AGMO: variants seen among roughly 807,000 people sequenced by gnomAD.
AGMO encodes the protein alkylglycerol monooxygenase.
A neutral mutation model predicts 60.2 loss-of-function variants in AGMO; 75 were observed. The observed-to-expected ratio is 1.25, with a 90% CI of 1.03 to 1.51. AGMO has a LOEUF of 1.51. Among genes scored for constraint, AGMO ranks in the 40% most tolerant of loss-of-function variants. The probability of loss-of-function intolerance (pLI) is 0.00; values close to 1 mark genes in which losing one functional copy is unlikely to be tolerated. For missense variants in AGMO, 763 were observed against 525.5 expected, an observed-to-expected ratio of 1.45 and a Z score of -4.42; for synonymous variants, 261 against 177.1, an observed-to-expected ratio of 1.47 and a Z score of -3.76.
At chr7:15,144,898 C>A in the AGMO span, among the ~76,000 whole-genome samples, 1 of 152,212 alleles carries the variant, frequency 6.6e-6, no homozygotes, top group African/African-American at 2.4e-5. Context: ...GGTGCGATCT[C>A]TGCTCACTGC....
chr7:15,191,690 A>G, the AGMO span, among the ~76,000 whole-genome samples: 1 of 152,210 alleles, frequency 6.6e-6, no homozygotes. Context: ...AAATTAGCTT[A>G]AATTTTTAAA....
chr7:15,461,549 C>G lies in AGMO; in HGVS notation c.410-30441G>C, dbSNP rs1210120987. Among the ~76,000 whole-genome samples, 5 of 152,082 alleles carry G rather than the reference C, an allele frequency of 3.3e-5. No homozygotes were observed. The East Asian group carries it at 9.7e-4, about 29-fold the overall frequency. Reference sequence around the variant, plus strand: ...GAAGAACTTATTTTATTTGAGCTCTCCTTTGTCAATATCTGAGCAGTAGGG... The same window carrying G: ...GAAGAACTTATTTTATTTGAGCTCTGCTTTGTCAATATCTGAGCAGTAGGG... On this transcript the variant is annotated intron_variant, in intron 3 of 12. Transcript: ENST00000342526.
At chr7:15,390,360 T>C (rs1784085273) in intron 8 of AGMO, among the ~76,000 whole-genome samples, 1 of 152,210 alleles carries the variant, frequency 6.6e-6, no homozygotes, top group Non-Finnish European at 1.5e-5. Context: ...TTATACATGT[T>C]ACTATTGCTC....
intron 10 of AGMO, among the ~76,000 whole-genome samples, chr7:15,366,703 T>TG (rs1782998208): frequency 6.6e-6 from 1 of 152,036 alleles, no homozygotes; most frequent in African/African-American, 2.4e-5. Context: ...ACATATACAC[T>TG]CATATTTGAT....
At chr7:15,256,201 G>A (rs1783093602) in intron 12 of AGMO, among the ~76,000 whole-genome samples, 1 of 152,166 alleles carries the variant, frequency 6.6e-6, no homozygotes, top group African/African-American at 2.4e-5. Context: ...AAAAAGGACT[G>A]AATCACTGGA....
chr7:15,344,607 A>G (rs543025951), intron 12 of AGMO, among the ~76,000 whole-genome samples: 1 of 152,264 alleles, frequency 6.6e-6, no homozygotes, highest in Admixed American at 6.5e-5. Flanking sequence ...CTAAAGTGTA[A>G]GGATTGCTGG....
intron 10 of AGMO, among the ~76,000 whole-genome samples, chr7:15,382,088 A>G (rs1361529357): frequency 2.6e-5 from 4 of 152,138 alleles, no homozygotes; most frequent in African/African-American, 9.7e-5. Context: ...CCTAGATGAT[A>G]AAATAATCCA....
intron 12 of AGMO, among the ~76,000 whole-genome samples, chr7:15,353,679 T>A (rs981115294): frequency 6.6e-6 from 1 of 152,224 alleles, no homozygotes; most frequent in African/African-American, 2.4e-5. Flanking sequence ...TATATTAGTG[T>A]TGCTCAAAAT....
At position 15,317,869 on chromosome 7, in the gene AGMO, GTATA is replaced by G. The variant is rs550714316; in HGVS notation, c.1263+47641_1263+47644del. Among the ~76,000 whole-genome samples, 781 of 124,882 alleles carry G rather than the reference GTATA, an allele frequency of 6.3e-3. 4 individuals are homozygous for G. Among genetic ancestry groups the G allele is most frequent in the Middle Eastern group, 9.5e-3 (2 of 210 alleles). 81.9% of individuals were successfully genotyped at this position (124,882 alleles called of 152,430 possible). A position where few individuals can be genotyped will look rare whatever the true frequency, so the allele number is the denominator to read the frequency against. On this transcript the variant is annotated intron_variant, in intron 12 of 12. Coordinates refer to ENST00000342526, the MANE Select transcript of AGMO (RefSeq NM_001004320.2). ...TATATATATATACACACACACACAC[GTATA>G]TATATATACACACGTATATATATAC...
chr7:15,307,671 A>G (rs1027211520), intron 12 of AGMO, among the ~76,000 whole-genome samples: 2 of 152,018 alleles, frequency 1.3e-5, no homozygotes, highest in Non-Finnish European at 2.9e-5. Flanking sequence ...CTGACACTCA[A>G]ATTTACACCT....
chr7:15,477,616 T>G (rs1051493419), intron 3 of AGMO, among the ~76,000 whole-genome samples: 1 of 152,134 alleles, frequency 6.6e-6, no homozygotes, highest in Non-Finnish European at 1.5e-5. Context: ...AAAATACCAA[T>G]GTGCAGGCAG....
intron 12 of AGMO, among the ~76,000 whole-genome samples, chr7:15,255,911 A>G (rs1783083248): frequency 6.6e-6 from 1 of 152,232 alleles, no homozygotes; most frequent in African/African-American, 2.4e-5. Flanking sequence ...AATATACACA[A>G]AGTGTTTTTA....
intron 3 of AGMO, among the ~76,000 whole-genome samples, chr7:15,457,524 T>C (rs1782030139): frequency 6.6e-6 from 1 of 152,190 alleles, no homozygotes; most frequent in Admixed American, 6.5e-5. Context: ...CATGTGTAAT[T>C]ATCATGTATT....
the AGMO span, among the ~76,000 whole-genome samples, chr7:15,159,657 A>AT: frequency 6.6e-6 from 1 of 152,222 alleles, no homozygotes; most frequent in Non-Finnish European, 1.5e-5. Context: ...CCACTGTCAC[A>AT]ATATATAGAG....
the AGMO span, among the ~76,000 whole-genome samples, chr7:15,178,498 G>A: frequency 3.3e-5 from 5 of 151,856 alleles, no homozygotes; most frequent in African/African-American, 1.2e-4. Flanking sequence ...ACCTTTTTTT[G>A]TTGTTTTGTT....
intron 3 of AGMO, among the ~76,000 whole-genome samples, chr7:15,470,791 C>T (rs188373498): frequency 6.6e-6 from 1 of 151,796 alleles, no homozygotes; most frequent in Non-Finnish European, 1.5e-5. Context: ...TTTCACTGTT[C>T]TTTGTTAGAA....
intron 3 of AGMO, among the ~76,000 whole-genome samples, chr7:15,476,840 G>A (rs1782604605): frequency 6.6e-6 from 1 of 152,028 alleles, no homozygotes; most frequent in Admixed American, 6.6e-5. Flanking sequence ...AGCCCTCTGA[G>A]GCTAATTTTA....
intron 3 of AGMO, among the ~76,000 whole-genome samples, chr7:15,487,269 G>A (rs565479622): frequency 8.5e-5 from 13 of 152,164 alleles, no homozygotes; most frequent in African/African-American, 2.9e-4. Context: ...CACTTAAAAT[G>A]TATATTATAA....
intron 12 of AGMO, among the ~76,000 whole-genome samples, chr7:15,247,713 A>G (rs1782790332): frequency 6.6e-6 from 1 of 152,182 alleles, no homozygotes; most frequent in African/African-American, 2.4e-5. Context: ...ACTAAATTAT[A>G]TCACTTTATT....
Sources: allele counts gnomAD v4.1 joint callset (sites outside exome capture counted in the v4.1 genomes callset), GRCh38; gene constraint gnomAD v4.1.1; transcripts MANE v1.5; gene names NCBI Gene and HGNC (gene_info 2026-07-23, HGNC 2026-07-21).